The following RAB3GAP2 variants were observed in gnomAD, a reference collection of about 807,000 sequenced individuals.
The protein encoded by RAB3GAP2 is RAB3 GTPase activating non-catalytic protein subunit 2.
A neutral mutation model predicts 185.3 loss-of-function variants in RAB3GAP2; 87 were observed. The observed-to-expected ratio is 0.47, with a 90% CI of 0.39 to 0.56. The LOEUF is 0.56. Ranked by LOEUF, RAB3GAP2 falls within the 20% of genes least tolerant of loss-of-function variation. RAB3GAP2 has a pLI of 0.00. For synonymous variants in RAB3GAP2, 554 were observed against 576.1 expected (o/e 0.96, Z 0.55); for missense variants, 1,492 against 1,638.2 (o/e 0.91, Z 1.54).
chr1:220,195,407 C>G, intron 10 of RAB3GAP2, 30 bp from the exon 11 acceptor site: 1 of 1,531,568 alleles, frequency 6.5e-7, no homozygotes, highest in Non-Finnish European at 9.0e-7. Flanking sequence ...AAAGAGAAAA[C>G]TTAGTAGCTT....
At chr1:220,230,704 G>GT (rs1659482157) in intron 2 of RAB3GAP2, among the ~76,000 whole-genome samples, 1 of 152,144 alleles carries the variant, frequency 6.6e-6, no homozygotes, top group African/African-American at 2.4e-5. Context: ...ATCTGGCAGG[G>GT]TTTTTTAAAA....
In RAB3GAP2 at chr1:220,210,422, T is replaced by C. The variant is rs796521966; in HGVS notation, c.578A>G (p.Tyr193Cys). Residue 193 changes from tyrosine (Y) to cysteine (C), a missense_variant, in exon 7 of 35, where the codon TAT becomes TGT. Tyr to Cys is a radical substitution (Grantham distance 194). Around this residue, in one of 5 missense-constraint regions of RAB3GAP2, gnomAD observed 243 missense variants for 314.8 expected, o/e 0.77. Coordinates refer to ENST00000358951, the MANE Select transcript of RAB3GAP2 (RefSeq NM_012414.4). ...CACGCCGGGATGTCGTGGTATTTCA[T>C]AGGTTCTGCATTTAAGTTGAAGTAC... Reference protein sequence around the residue: ...DPVLQLKCRTYEIPRHPGVTE... With the variant: ...DPVLQLKCRTCEIPRHPGVTE... The C allele has an allele frequency of 1.9e-6, 3 of 1,614,104 alleles. No individual in the cohort carries two copies. The highest frequency in any genetic ancestry group is 2.2e-5 in the East Asian group (1 of 44,882).
At chr1:220,189,471 G>A (rs899736185) in intron 17 of RAB3GAP2, among the ~76,000 whole-genome samples, 14 of 150,770 alleles carry the variant, frequency 9.3e-5, no homozygotes, top group Admixed American at 6.6e-5. Context: ...CCCCTGCCTC[G>A]GCCTCCCAAA....
intron 7 of RAB3GAP2, among the ~76,000 whole-genome samples, chr1:220,210,157 G>A (rs938101952): frequency 1.3e-5 from 2 of 151,658 alleles, no homozygotes; most frequent in Non-Finnish European, 2.9e-5. Flanking sequence ...CTAACTAAAG[G>A]GTTTTACTTT....
intron 1 of RAB3GAP2, among the ~76,000 whole-genome samples, chr1:220,268,820 A>G (rs1179949965): frequency 6.6e-6 from 1 of 152,246 alleles, no homozygotes; most frequent in East Asian, 1.9e-4. Flanking sequence ...CCAACTGCCT[A>G]TGTAACTTGG....
chr1:220,219,932 T>C (rs1038110317), intron 2 of RAB3GAP2, among the ~76,000 whole-genome samples: 15 of 152,250 alleles, frequency 9.9e-5, no homozygotes, highest in African/African-American at 3.6e-4. Context: ...AGATGCAAGC[T>C]CATCATTTTG....
chr1:220,175,464 G>A (rs376246660), intron 21 of RAB3GAP2, among the ~76,000 whole-genome samples: 11 of 152,052 alleles, frequency 7.2e-5, no homozygotes, highest in South Asian at 4.1e-4. Context: ...TGATTCGCCC[G>A]CCTTGGCCTC....
At chr1:220,232,668 A>AT (rs1218798565) in intron 2 of RAB3GAP2, 131 bp downstream of exon 2, 1 of 816,368 alleles carries the variant, frequency 1.2e-6, no homozygotes, top group African/African-American at 1.7e-5. Flanking sequence ...CTAGTTAAGT[A>AT]CTAATAAGTA....
At chr1:220,243,143 A>G (rs1659728011) in intron 1 of RAB3GAP2, among the ~76,000 whole-genome samples, 1 of 152,136 alleles carries the variant, frequency 6.6e-6, no homozygotes, top group South Asian at 2.1e-4. Context: ...TCACAAGGTC[A>G]GGAGATCGAG....
chr1:220,251,698 T>C (rs1346549784), intron 1 of RAB3GAP2, among the ~76,000 whole-genome samples: 1 of 152,234 alleles, frequency 6.6e-6, no homozygotes, highest in Non-Finnish European at 1.5e-5. Flanking sequence ...AACCAATTTT[T>C]AGAGTAATTT....
intron 1 of RAB3GAP2, among the ~76,000 whole-genome samples, chr1:220,252,948 A>T (rs1462984918): frequency 6.6e-6 from 1 of 152,204 alleles, no homozygotes. Context: ...TCACAAGTTA[A>T]GACCCACTGG....
intron 21 of RAB3GAP2, among the ~76,000 whole-genome samples, chr1:220,181,730 C>A (rs1185528614): frequency 6.6e-6 from 1 of 152,018 alleles, no homozygotes; most frequent in East Asian, 1.9e-4. Context: ...TATTTTAGGC[C>A]AACTATACGA....
intron 33 of RAB3GAP2, 130 bp from the exon 34 acceptor site, chr1:220,151,894 A>G: frequency 1.0e-6 from 1 of 970,264 alleles, no homozygotes; most frequent in Non-Finnish European, 1.5e-6. Flanking sequence ...TTGATTGTAT[A>G]CAACCAAAGA....
intron 1 of RAB3GAP2, among the ~76,000 whole-genome samples, chr1:220,269,657 G>T (rs1439149749): frequency 6.6e-6 from 1 of 152,174 alleles, no homozygotes; most frequent in East Asian, 1.9e-4. Flanking sequence ...AGGAGGTGGA[G>T]GTTGTAGTAA....
chr1:220,168,855 G>A (rs1365164225), intron 24 of RAB3GAP2, among the ~76,000 whole-genome samples: 1 of 152,164 alleles, frequency 6.6e-6, no homozygotes, highest in African/African-American at 2.4e-5. Flanking sequence ...AACGAGTCCT[G>A]TTTATTATCG....
chr1:220,190,115 G>A lies in RAB3GAP2; in HGVS notation c.1663C>T (p.His555Tyr), dbSNP rs543921944. The A allele has an allele frequency of 3.7e-6, 6 of 1,613,370 alleles. No individual in the cohort carries two copies. The East Asian group carries it at 6.7e-5, about 18-fold the overall frequency. Residue 555 changes from histidine (H) to tyrosine (Y), a missense_variant, in exon 16 of 35, where the codon CAC becomes TAC. This residue lies in a region of RAB3GAP2 where 681 missense variants were observed against 689.1 expected (regional missense o/e 0.99). Coordinates refer to ENST00000358951, the MANE Select transcript of RAB3GAP2 (RefSeq NM_012414.4). ...AAGGCTGCTAGTTTCTTCACTAGGT[G>A]CATATCCTTGGCTCGTTCACTCTTC... ...DKKSERAKDM[H>Y]LVKKLAALLK...
chr1:220,259,556 CTGG>C (rs2102530703), intron 1 of RAB3GAP2, among the ~76,000 whole-genome samples: 1 of 152,216 alleles, frequency 6.6e-6, no homozygotes, highest in East Asian at 1.9e-4. Context: ...ATCATCGAAA[CTGG>C]ACCCCTTCCT....
At chr1:220,260,572 A>G (rs986361580) in intron 1 of RAB3GAP2, among the ~76,000 whole-genome samples, 1 of 152,006 alleles carries the variant, frequency 6.6e-6, no homozygotes, top group South Asian at 2.1e-4. Context: ...ATAGGGGAGG[A>G]CAAAACACAC....
At chr1:220,160,516 A>T (rs1657946091) in intron 28 of RAB3GAP2, among the ~76,000 whole-genome samples, 1 of 152,220 alleles carries the variant, frequency 6.6e-6, no homozygotes, top group African/African-American at 2.4e-5. Context: ...CCCTTACCAC[A>T]TGTGCCAGAC....
Sources: gnomAD v4.1 joint callset for allele counts (sites outside exome capture counted in the v4.1 genomes callset) on GRCh38, gnomAD v4.1.1 for gene constraint, gnomAD v4.1.1 regional missense constraint, MANE v1.5 for transcripts, NCBI Gene and HGNC (gene_info 2026-07-23, HGNC 2026-07-21) for gene names.